The following RIT2 variants were observed in gnomAD, a reference collection of about 807,000 sequenced individuals.
RIT2 encodes the protein Ras like without CAAX 2, also known as GTP-binding protein Rit2.
RIT2 carries 24 observed loss-of-function variants against 23.7 expected under a neutral mutation model. The ratio of observed to expected loss-of-function variants is 1.01; its 90% CI spans 0.73 to 1.43. The LOEUF (loss-of-function observed/expected upper bound fraction) is 1.43. Among genes scored for constraint, RIT2 ranks in the 40% most tolerant of loss-of-function variants. The pLI is 0.00. For synonymous variants in RIT2, 107 were observed against 91.1 expected, an observed-to-expected ratio of 1.17 and a Z score of -0.99; for missense variants, 236 against 266.9, an observed-to-expected ratio of 0.88 and a Z score of 0.81.
chr18:42,833,770 T>C (rs1906524463), intron 4 of RIT2, among the ~76,000 whole-genome samples: 1 of 152,084 alleles, frequency 6.6e-6, no homozygotes. Context: ...ATAACAAGTA[T>C]TTATTGAGCA....
At chr18:42,979,735 A>C (rs891646488) in intron 2 of RIT2, among the ~76,000 whole-genome samples, 6 of 152,182 alleles carry the variant, frequency 3.9e-5, no homozygotes, top group South Asian at 2.1e-4. Flanking sequence ...TAAAGGGTTC[A>C]ATATGTATTT....
At chr18:42,816,793 A>G (rs1906010670) in intron 4 of RIT2, among the ~76,000 whole-genome samples, 1 of 152,190 alleles carries the variant, frequency 6.6e-6, no homozygotes, top group Non-Finnish European at 1.5e-5. Context: ...ATAAACAAAC[A>G]GAAGACCCTG....
chr18:42,834,126 T>C (rs1906534909), intron 4 of RIT2, among the ~76,000 whole-genome samples: 1 of 152,170 alleles, frequency 6.6e-6, no homozygotes. Flanking sequence ...TCTACCATGC[T>C]TTCCTCCTTC....
At chr18:42,848,657 T>G (rs1415951661) in intron 4 of RIT2, among the ~76,000 whole-genome samples, 1 of 152,210 alleles carries the variant, frequency 6.6e-6, no homozygotes, top group Non-Finnish European at 1.5e-5. Context: ...AGACAGAGAA[T>G]GACTGACTCA....
At chr18:43,037,934 G>A (rs117469825) in intron 1 of RIT2, among the ~76,000 whole-genome samples, 6,225 of 152,144 alleles carry the variant, frequency 0.041, 179 homozygotes, top group South Asian at 0.066. Context: ...GCCGGACGCC[G>A]TGGCTCATGC....
At chr18:42,765,987 G>T (rs1913412892) in intron 4 of RIT2, among the ~76,000 whole-genome samples, 1 of 152,018 alleles carries the variant, frequency 6.6e-6, no homozygotes, top group Admixed American at 6.6e-5. Context: ...TTCACCTCCT[G>T]CCATGATTCT....
At chr18:42,816,171 C>G (rs1360829901) in intron 4 of RIT2, among the ~76,000 whole-genome samples, 1 of 151,884 alleles carries the variant, frequency 6.6e-6, no homozygotes, top group African/African-American at 2.4e-5. Flanking sequence ...TTGTAGTTTG[C>G]CAGTTTCCAT....
intron 2 of RIT2, among the ~76,000 whole-genome samples, chr18:42,974,732 CAA>C (rs1910441255): frequency 6.6e-6 from 1 of 151,834 alleles, no homozygotes; most frequent in African/African-American, 2.4e-5. Flanking sequence ...ATAAAGTCAA[CAA>C]GCAAAAATAA....
At chr18:42,770,018 T>G (rs909383877) in intron 4 of RIT2, among the ~76,000 whole-genome samples, 7 of 151,888 alleles carry the variant, frequency 4.6e-5, no homozygotes, top group African/African-American at 1.7e-4. Flanking sequence ...CTGAGATTCC[T>G]AGTTTTTTTT....
At chr18:43,043,684 G>A (rs112170644) in intron 1 of RIT2, among the ~76,000 whole-genome samples, 2 of 152,108 alleles carry the variant, frequency 1.3e-5, no homozygotes, top group African/African-American at 4.8e-5. Flanking sequence ...CAGCTACTCG[G>A]GAAGCTGAGG....
intron 1 of RIT2, among the ~76,000 whole-genome samples, chr18:43,102,967 T>C (rs2144240754): frequency 6.6e-6 from 1 of 152,236 alleles, no homozygotes; most frequent in Admixed American, 6.5e-5. Context: ...AACTCAGCAT[T>C]TATATCTTAA....
At position 43,016,611 on chromosome 18, in the gene RIT2, C is replaced by G. The variant is rs555620077; in HGVS notation, c.160+17200G>C. The stretch of plus-strand genomic sequence containing the variant: ...TCATAAGCACACCAACTCTAAATGA[C>G]TGCGTCCAGGAAATATTCAAAGTTA... On this transcript the variant is annotated intron_variant, in intron 2 of 4. Coordinates refer to ENST00000326695, the MANE Select transcript of RIT2 (RefSeq NM_002930.4). Among the ~76,000 whole-genome samples, 8 of 151,896 alleles carry G rather than the reference C, an allele frequency of 5.3e-5. 1 individual carries two copies. The South Asian group carries it at 1.7e-3, about 31-fold the overall frequency.
At chr18:42,907,940 C>T (rs535949094) in intron 4 of RIT2, among the ~76,000 whole-genome samples, 21 of 151,518 alleles carry the variant, frequency 1.4e-4, no homozygotes, top group Admixed American at 4.6e-4. Flanking sequence ...ATGATCATCA[C>T]TGCACTCCAG....
intron 1 of RIT2, among the ~76,000 whole-genome samples, chr18:43,079,540 G>A (rs1038968125): frequency 1.3e-5 from 2 of 152,084 alleles, no homozygotes; most frequent in African/African-American, 2.4e-5. Context: ...AAAGATCATC[G>A]TTAAGTAGGG....
At chr18:42,917,992 A>G (rs1180567602) in intron 4 of RIT2, among the ~76,000 whole-genome samples, 2 of 152,124 alleles carry the variant, frequency 1.3e-5, no homozygotes, top group Non-Finnish European at 2.9e-5. Flanking sequence ...CTGTGTACAC[A>G]TGTGTGTATG....
chr18:43,113,912 T>C (rs945334980), intron 1 of RIT2, among the ~76,000 whole-genome samples: 1 of 152,174 alleles, frequency 6.6e-6, no homozygotes, highest in Non-Finnish European at 1.5e-5. Flanking sequence ...TCTCTCTTCT[T>C]CAGTATTTTA....
intron 2 of RIT2, among the ~76,000 whole-genome samples, chr18:43,000,616 G>A (rs1911081927): frequency 6.6e-6 from 1 of 152,012 alleles, no homozygotes; most frequent in Non-Finnish European, 1.5e-5. Context: ...AAGGGACGTG[G>A]TGGGAGGTGA....
At chr18:43,059,806 ACAG>A (rs1470254894) in intron 1 of RIT2, among the ~76,000 whole-genome samples, 3 of 152,086 alleles carry the variant, frequency 2.0e-5, no homozygotes, top group Admixed American at 6.6e-5. Flanking sequence ...TACAGAAAAG[ACAG>A]CAGATGTCCT....
intron 1 of RIT2, among the ~76,000 whole-genome samples, chr18:43,064,586 A>T (rs1367880901): frequency 6.6e-6 from 1 of 152,128 alleles, no homozygotes; most frequent in Non-Finnish European, 1.5e-5. Context: ...GAGCAATATG[A>T]TTTCTTGAGC....
Sources: gnomAD v4.1 joint callset for allele counts (sites outside exome capture counted in the v4.1 genomes callset) on GRCh38, gnomAD v4.1.1 for gene constraint, MANE v1.5 for transcripts, NCBI Gene and HGNC (gene_info 2026-07-23, HGNC 2026-07-21) for gene names.